The following DOCK4 variants were observed in gnomAD, a reference collection of about 807,000 sequenced individuals.
DOCK4 encodes dedicator of cytokinesis 4, also known as dedicator of cytokinesis protein 4.
Under a neutral mutation model 268.1 loss-of-function variants are expected in DOCK4, and 97 were observed. That is an observed-to-expected ratio of 0.36 (90% CI 0.31 to 0.43). The LOEUF is 0.43. Among genes scored for constraint, DOCK4 ranks in the 20% least tolerant of loss-of-function variants. DOCK4 has a pLI of 1.00. For synonymous variants in DOCK4, 954 were observed against 887.2 expected (o/e 1.08, Z -1.34); for missense variants, 2,145 against 2,455.7 (o/e 0.87, Z 2.67).
intron 1 of DOCK4, among the ~76,000 whole-genome samples, chr7:112,151,371 C>G (rs1816054856): frequency 6.6e-6 from 1 of 151,894 alleles, no homozygotes; most frequent in African/African-American, 2.4e-5. Context: ...AATACAGCAC[C>G]TAACAAAAAA....
At chr7:112,037,906 G>T (rs4730506) in intron 1 of DOCK4, among the ~76,000 whole-genome samples, 36,994 of 152,022 alleles carry the variant, frequency 0.24, 8,915 homozygotes, top group African/African-American at 0.61. Flanking sequence ...AAACCTTATA[G>T]TTTTAGTAGT....
chr7:111,979,898 C>G (rs1337725543), intron 7 of DOCK4, among the ~76,000 whole-genome samples: 1 of 152,064 alleles, frequency 6.6e-6, no homozygotes, highest in Non-Finnish European at 1.5e-5. Flanking sequence ...CCCAAGAGAG[C>G]TTTTAAAAAA....
intron 1 of DOCK4, among the ~76,000 whole-genome samples, chr7:112,092,768 A>G (rs1809750213): frequency 6.6e-6 from 1 of 152,286 alleles, no homozygotes; most frequent in East Asian, 1.9e-4. Context: ...GAAGGCCATA[A>G]TCACTATTCC....
intron 13 of DOCK4, among the ~76,000 whole-genome samples, chr7:111,908,500 T>C (rs1791805631): frequency 2.6e-5 from 4 of 151,590 alleles, no homozygotes; most frequent in Admixed American, 2.6e-4. Context: ...CTTACTTCTC[T>C]TTTTGTCAAA....
intron 8 of DOCK4, among the ~76,000 whole-genome samples, chr7:111,965,023 C>T (rs1384286404): frequency 3.7e-5 from 2 of 54,274 alleles, no homozygotes; most frequent in African/African-American, 3.3e-4. Flanking sequence ...TTTGTCACCA[C>T]CAGGCCTGCC....
chr7:111,765,814 A>G (rs1408116532), intron 38 of DOCK4, among the ~76,000 whole-genome samples: 1 of 152,194 alleles, frequency 6.6e-6, no homozygotes, highest in East Asian at 1.9e-4. Flanking sequence ...TGCGCCTGAC[A>G]ATGTTGAAAC....
intron 12 of DOCK4, among the ~76,000 whole-genome samples, chr7:111,925,733 T>G (rs1793555892): frequency 1.3e-5 from 2 of 152,212 alleles, no homozygotes; most frequent in African/African-American, 4.8e-5. Flanking sequence ...TGCCACTGCT[T>G]AAATTTGGGA....
intron 1 of DOCK4, among the ~76,000 whole-genome samples, chr7:112,147,795 ATTTTTTTTTTTTTTTTT>A (rs553280609): frequency 1.3e-4 from 13 of 102,860 alleles, no homozygotes; most frequent in African/African-American, 3.4e-4. Context: ...GCAAACGTAG[ATTTTTTTTTTTTTTTTT>A]TTTTTTTTTT....
chr7:112,151,470 G>A (rs1164310570), intron 1 of DOCK4, among the ~76,000 whole-genome samples: 2 of 152,030 alleles, frequency 1.3e-5, no homozygotes, highest in African/African-American at 4.8e-5. Flanking sequence ...ACACAGCTAG[G>A]GTAAGAAAAA....
At chr7:111,786,115 C>A (rs1296380031) in intron 32 of DOCK4, among the ~76,000 whole-genome samples, 1 of 152,160 alleles carries the variant, frequency 6.6e-6, no homozygotes, top group East Asian at 1.9e-4. Context: ...TTCTCTGTCT[C>A]CAAATGGTAA....
At chr7:112,120,530 T>G (rs1344567398) in intron 1 of DOCK4, among the ~76,000 whole-genome samples, 1 of 152,158 alleles carries the variant, frequency 6.6e-6, no homozygotes, top group Non-Finnish European at 1.5e-5. Context: ...ATACTAAAAG[T>G]AAATGGACAT....
intron 10 of DOCK4, among the ~76,000 whole-genome samples, chr7:111,942,432 T>C (rs1795287097): frequency 6.6e-6 from 1 of 152,184 alleles, no homozygotes; most frequent in Non-Finnish European, 1.5e-5. Context: ...TCTCTTCAAA[T>C]AATCAGTATG....
intron 9 of DOCK4, 62 bp from the exon 10 acceptor site, chr7:111,944,933 C>T (rs957991938): frequency 7.3e-7 from 1 of 1,363,960 alleles, no homozygotes; most frequent in Non-Finnish European, 1.0e-6. Flanking sequence ...GGGCATAGCA[C>T]TTTATTTTCA....
chr7:112,061,343 T>C (rs1049235552), intron 1 of DOCK4, among the ~76,000 whole-genome samples: 2 of 152,100 alleles, frequency 1.3e-5, no homozygotes, highest in African/African-American at 4.8e-5. Context: ...GACCAGGTAG[T>C]CACAGAATTA....
chr7:112,114,158 A>C (rs1427964884), intron 1 of DOCK4, among the ~76,000 whole-genome samples: 1 of 152,148 alleles, frequency 6.6e-6, no homozygotes, highest in Admixed American at 6.5e-5. Context: ...ATAAACAATG[A>C]GCCATCCTGC....
intron 1 of DOCK4, among the ~76,000 whole-genome samples, chr7:112,199,309 C>G (rs1474948453): frequency 2.6e-5 from 4 of 152,080 alleles, no homozygotes; most frequent in African/African-American, 9.7e-5. Flanking sequence ...AGCAAGTGCT[C>G]CACAAATGCT....
chr7:111,878,190 G>A (rs2134271322), intron 16 of DOCK4, among the ~76,000 whole-genome samples: 1 of 152,296 alleles, frequency 6.6e-6, no homozygotes, highest in African/African-American at 2.4e-5. Context: ...AAAAGGGATT[G>A]TTCTAGATTA....
At chr7:112,113,431 A>G (rs1811845538) in intron 1 of DOCK4, among the ~76,000 whole-genome samples, 1 of 152,174 alleles carries the variant, frequency 6.6e-6, no homozygotes, top group South Asian at 2.1e-4. Context: ...TTATTAAGGC[A>G]GGTAAGGAGA....
At chr7:111,833,839 T>C (rs1195170535) in intron 26 of DOCK4, among the ~76,000 whole-genome samples, 2 of 152,214 alleles carry the variant, frequency 1.3e-5, no homozygotes. Flanking sequence ...AACTGTACTT[T>C]TGGTCCTATA....
Sources: allele counts gnomAD v4.1 joint callset (sites outside exome capture counted in the v4.1 genomes callset), GRCh38; gene constraint gnomAD v4.1.1; transcripts MANE v1.5; gene names NCBI Gene and HGNC (gene_info 2026-07-23, HGNC 2026-07-21).